The following ZIC4 variants were observed in gnomAD, a reference collection of about 807,000 sequenced individuals.
ZIC4 encodes zinc finger protein ZIC 4.
ZIC4 carries 15 observed loss-of-function variants against 28.8 expected under a neutral mutation model. The ratio of observed to expected loss-of-function variants is 0.52; its 90% confidence interval spans 0.35 to 0.80. ZIC4 has a LOEUF of 0.80. ZIC4 is among the 30% of genes least tolerant of loss of function. The pLI, the probability that ZIC4 is intolerant of heterozygous loss-of-function variation, is 0.01. For synonymous variants in ZIC4, 220 were observed against 198.1 expected, an observed-to-expected ratio of 1.11 and a Z score of -0.93; for missense variants, 512 against 467.1, an observed-to-expected ratio of 1.10 and a Z score of -0.89.
At chr3:147,400,872 A>G (rs1409072326) in intron 2 of ZIC4, among the ~76,000 whole-genome samples, 14 of 152,140 alleles carry the variant, frequency 9.2e-5, no homozygotes, top group African/African-American at 2.4e-4. Flanking sequence ...TTTTTTTTCC[A>G]GAAACATCTC....
chr3:147,392,356 A>AG (rs2086944560), intron 3 of ZIC4: 2 of 985,450 alleles, frequency 2.0e-6, no homozygotes, highest in South Asian at 9.4e-5. Context: ...TGTAGAGCCG[A>AG]GGGAAGGCGC....
chr3:147,397,634 G>A (rs1182231065), intron 2 of ZIC4, among the ~76,000 whole-genome samples: 1 of 152,088 alleles, frequency 6.6e-6, no homozygotes, highest in Admixed American at 6.5e-5. Flanking sequence ...GGGCTGATGG[G>A]CAGCATCGTG....
intron 1 of ZIC4, chr3:147,403,476 G>C (rs2087211516): frequency 6.5e-6 from 1 of 153,066 alleles, no homozygotes; most frequent in Non-Finnish European, 1.5e-5. Flanking sequence ...TCATAGTTGA[G>C]AAGGGTAGAA....
At chr3:147,405,452 C>T in intron 1 of ZIC4, 3 of 1,537,252 alleles carry the variant, frequency 2.0e-6, no homozygotes, top group Non-Finnish European at 1.7e-6. Flanking sequence ...TTTCCTAAGA[C>T]TTTGACATGG....
Position 147,390,893 on chromosome 3 carries a change from G to A in ZIC4, c.1004+38C>T, listed in dbSNP as rs764005453. On this transcript the variant is annotated intron_variant, in intron 4 of 4. Transcript: ENST00000383075. Reference sequence around the variant, plus strand: ...AGCTCGGGGCTGAGGATCGCGGCGGGGGCAGCCGCTATGGGGCCCAAGCCC... The same window carrying A: ...AGCTCGGGGCTGAGGATCGCGGCGGAGGCAGCCGCTATGGGGCCCAAGCCC... 6 of 1,565,560 alleles carry A rather than the reference G, an allele frequency of 3.8e-6. No individual in the cohort carries two copies. In the East Asian group the frequency reaches 1.1e-4, roughly 30 times the overall value.
At position 147,396,507 on chromosome 3, in the gene ZIC4, G is replaced by A; in HGVS notation, c.71-38C>T. ...CAAATAGCGCGCATGAGAACGGGTG[G>A]CGTGGGCTGCGCGCTCTTCCCTGGG... On this transcript the variant is annotated intron_variant, in intron 2 of 4. Coordinates refer to ENST00000383075, the MANE Select transcript of ZIC4 (RefSeq NM_032153.6). The surrounding 1 kb of genome is among the most constrained non-coding windows in gnomAD (Gnocchi z 4.2). 6.7e-7 allele frequency: 1 copy of A among 1,493,718 alleles called. No homozygotes were observed. The highest frequency in any genetic ancestry group is 8.9e-7 in the Non-Finnish European group (1 of 1,129,606). The allele number at this position is 1,493,718 out of a possible 1,614,324, so 92.5% of individuals were successfully genotyped here. A position where few individuals can be genotyped will look rare whatever the true frequency, so the allele number is the denominator to read the frequency against.
chr3:147,393,214 C>A (rs1372156179), intron 3 of ZIC4, among the ~76,000 whole-genome samples: 2 of 150,298 alleles, frequency 1.3e-5, no homozygotes, highest in African/African-American at 4.9e-5. Flanking sequence ...AAAACAAAAA[C>A]AATTATTTCG....
chr3:147,402,877 C>A, intron 1 of ZIC4, 65 bp from the exon 2 acceptor site: 4 of 1,376,000 alleles, frequency 2.9e-6, no homozygotes, highest in Non-Finnish European at 4.1e-6. Flanking sequence ...GTGGCAACAT[C>A]CTGTGGTTTG....
intron 4 of ZIC4, 129 bp downstream of exon 4, chr3:147,390,802 G>A: frequency 8.3e-7 from 1 of 1,210,746 alleles, no homozygotes. Context: ...GGTGTGTGCG[G>A]AAGCAGCAAT....
At chr3:147,401,416 G>A (rs1396943063) in intron 2 of ZIC4, among the ~76,000 whole-genome samples, 1 of 152,212 alleles carries the variant, frequency 6.6e-6, no homozygotes, top group Non-Finnish European at 1.5e-5. Context: ...CAGATCAGGA[G>A]GTGGGCCTTA....
At position 147,398,603 on chromosome 3, in the gene ZIC4, T is replaced by TG. The variant is rs1199707887; in HGVS notation, c.71-2135dup. ...GTCGTCCGGCGATTTAAAGGGCTGC[T>TG]GGCCGGGACTCCTGCCTTGTCGCTG... On this transcript the variant is annotated intron_variant, in intron 2 of 4. Coordinates refer to ENST00000383075, the MANE Select transcript of ZIC4 (RefSeq NM_032153.6). Among the ~76,000 whole-genome samples the TG allele has an allele frequency of 5.9e-5, 9 of 152,288 alleles. No homozygotes were observed. In the East Asian group the frequency reaches 1.7e-3, roughly 30 times the overall value.
At chr3:147,390,018 A>C (rs767650926) in intron 4 of ZIC4, among the ~76,000 whole-genome samples, 1 of 152,128 alleles carries the variant, frequency 6.6e-6, no homozygotes, top group Non-Finnish European at 1.5e-5. Flanking sequence ...ACAGCATTGA[A>C]TCCTGAAGCC....
At chr3:147,402,658 A>T in intron 2 of ZIC4, 70 bp downstream of exon 2, 5 of 459,664 alleles carry the variant, frequency 1.1e-5, no homozygotes, top group Non-Finnish European at 1.3e-5. Flanking sequence ...CTTCCTACTT[A>T]AAAAAAAAAA....
chr3:147,404,955 C>A (rs1339621511), intron 1 of ZIC4, among the ~76,000 whole-genome samples: 2 of 152,160 alleles, frequency 1.3e-5, no homozygotes. Context: ...CCCTGGCGGG[C>A]GCAGAGCAAA....
rs1393462428 is a variant in ZIC4 at position 147,396,577 on chromosome 3, T to A, written c.71-108A>T. 7.4e-7 allele frequency: 1 copy of A among 1,357,552 alleles called. No homozygotes were observed. Among genetic ancestry groups the A allele is most frequent in the African/African-American group, 1.5e-5 (1 of 68,222 alleles). 84.1% of individuals were successfully genotyped at this position (1,357,552 alleles called of 1,614,324 possible). A position where few individuals can be genotyped will look rare whatever the true frequency, so the allele number is the denominator to read the frequency against. On this transcript the variant is annotated intron_variant, in intron 2 of 4. Coordinates refer to ENST00000383075, the MANE Select transcript of ZIC4 (RefSeq NM_032153.6). This position sits in a 1 kb window ranked among gnomAD's most constrained non-coding sequence, Gnocchi z 4.2. ...CCCTGCCGCACTACGGCCTCTGCAG[T>A]CAGCCGTGGAACTCAGAGCCAGACA...
In ZIC4 at chr3:147,396,347, G is replaced by T. The variant is rs773104172; in HGVS notation, c.193C>A (p.Leu65Met). The T allele has an allele frequency of 1.3e-6, 2 of 1,568,212 alleles. No homozygotes were observed. Among genetic ancestry groups the T allele is most frequent in the Non-Finnish European group, 1.7e-6 (2 of 1,159,598 alleles). ...GCGTACATGTCTCCAGGGAGCCCCA[G>T]ACGCAGGAGTCCATTCAAAGGACGG... ...PSRPLNGLLR[L>M]GLPGDMYARP... The change falls in exon 3 of 5, where the codon CTG becomes ATG. Residue 65 changes from leucine to methionine, a missense_variant. Physicochemically the swap from Leu to Met is conservative, Grantham distance 15. Coordinates refer to ENST00000383075, the MANE Select transcript of ZIC4 (RefSeq NM_032153.6). The surrounding 1 kb of genome is among the most constrained non-coding windows in gnomAD (Gnocchi z 4.2).
At position 147,391,208 on chromosome 3, in the gene ZIC4, G is replaced by T. The variant is rs1157809811; in HGVS notation, c.727C>A (p.Arg243=). 1.9e-6 allele frequency: 3 copies of T among 1,604,480 alleles called. No homozygotes were observed. Among genetic ancestry groups the T allele is most frequent in the South Asian group, 2.2e-5 (2 of 90,438 alleles). Residue 243 remains arginine (R), a synonymous_variant, in exon 4 of 5, where the codon CGG becomes AGG. Transcript: ENST00000383075. ...PFRCEFEGCE[R]RFANSSDRKK... is the part of the protein sequence containing the mutation. ...CGGTCGCTGCTGTTGGCGAAGCGCC[G>T]CTCGCAGCCCTCGAACTCGCATCTG...
rs371524772 is a variant in ZIC4, at chr3:147,395,629, C to A, written c.688+223G>T. On this transcript the variant is annotated intron_variant, in intron 3 of 4. Transcript: ENST00000383075. ...GGGTCTTAGGCACGTTCACCCTTGT[C>A]CCCCCCAGAACAGAAATCCCGCACT... Among the ~76,000 whole-genome samples, 66 of 152,196 alleles carry A rather than the reference C, an allele frequency of 4.3e-4. 1 individual carries two copies. The South Asian group carries it at 0.014, about 32-fold the overall frequency.
At chr3:147,402,452 T>A (rs1218265197) in intron 2 of ZIC4, among the ~76,000 whole-genome samples, 1 of 152,190 alleles carries the variant, frequency 6.6e-6, no homozygotes, top group Admixed American at 6.5e-5. Context: ...GTTGTTTCAA[T>A]GAGAGAATCG....
Sources: gnomAD v4.1 joint callset for allele counts (sites outside exome capture counted in the v4.1 genomes callset) on GRCh38, gnomAD v4.1.1 for gene constraint, Gnocchi (gnomAD v3.1) non-coding constraint, MANE v1.5 for transcripts, NCBI Gene and HGNC (gene_info 2026-07-23, HGNC 2026-07-21) for gene names.